The following PLA2G6 variants were observed in gnomAD, a reference collection of about 807,000 sequenced individuals.
PLA2G6 encodes 85/88 kDa calcium-independent phospholipase A2.
Under a neutral mutation model 83.8 loss-of-function variants are expected in PLA2G6, and 62 were observed. That is an observed-to-expected ratio of 0.74 (90% CI 0.60 to 0.91). PLA2G6 has a LOEUF of 0.91. Among genes scored for constraint, PLA2G6 ranks in the 40% least tolerant of loss-of-function variants. The pLI is 0.00. For synonymous variants in PLA2G6, 417 were observed against 449.8 expected, an observed-to-expected ratio of 0.93 and a Z score of 0.92; for missense variants, 944 against 1,102.0, an observed-to-expected ratio of 0.86 and a Z score of 2.03.
At chr22:38,116,327 C>A (rs771288458) in intron 12 of PLA2G6, 116 bp from the exon 13 acceptor site, 1 of 1,152,860 alleles carries the variant, frequency 8.7e-7, no homozygotes, top group African/African-American at 1.5e-5. Context: ...AACCTCTGTT[C>A]GGGATAGGTG....
At chr22:38,166,084 C>T (rs914832324) in intron 2 of PLA2G6, among the ~76,000 whole-genome samples, 3 of 152,102 alleles carry the variant, frequency 2.0e-5, no homozygotes, top group African/African-American at 4.8e-5. Context: ...AGCAGCAAGA[C>T]GGAGGGAGAA....
At chr22:38,179,804 C>A (rs1365420805) in intron 1 of PLA2G6, among the ~76,000 whole-genome samples, 1 of 151,836 alleles carries the variant, frequency 6.6e-6, no homozygotes, top group Non-Finnish European at 1.5e-5. Flanking sequence ...ATAAATACTT[C>A]AAGTTTGAAA....
At chr22:38,180,612 C>T (rs2090810077) in intron 1 of PLA2G6, among the ~76,000 whole-genome samples, 1 of 152,192 alleles carries the variant, frequency 6.6e-6, no homozygotes, top group East Asian at 1.9e-4. Context: ...CCTGCTCATC[C>T]TTCTCTCCTT....
rs1456710659 is a variant in PLA2G6, at chr22:38,174,099, AAAAC to A, written c.-45-4632_-45-4629del. ...GCAAATTAAAGTTGATGTCCACCAA[AAAAC>A]AAAAACAAACGGGCTGGGCGCAGTG... On this transcript the variant is annotated intron_variant, in intron 1 of 16. Coordinates refer to ENST00000332509, the MANE Select transcript of PLA2G6 (RefSeq NM_003560.4). 5.3e-5 allele frequency among the ~76,000 whole-genome samples: 8 copies of A among 152,012 alleles called. No homozygotes were observed. The East Asian group carries it at 1.4e-3, about 26-fold the overall frequency.
intron 7 of PLA2G6, chr22:38,131,270 C>T (rs1383228855): frequency 6.6e-6 from 1 of 152,174 alleles, no homozygotes; most frequent in Admixed American, 6.5e-5. Flanking sequence ...GGTGATCTGA[C>T]CATCTTGGCC....
Position 38,111,873 on chromosome 22 carries a change from T to G in PLA2G6, c.*288A>C. ...TACGGTTGTGCCCGGGTACCCTTAA[T>G]GTTTGAGCTGATGGGGGAGTCAGTT... On this transcript the variant is annotated 3_prime_UTR_variant, in exon 17 of 17. Transcript: ENST00000332509. 5 of 470,368 alleles carry G rather than the reference T, an allele frequency of 1.1e-5. No individual in the cohort carries two copies. Among genetic ancestry groups the G allele is most frequent in the African/African-American group, 4.0e-5 (2 of 50,598 alleles). 29.1% of individuals were successfully genotyped at this position (470,368 alleles called of 1,614,324 possible).
At chr22:38,114,112 G>C (rs1459130552) in intron 14 of PLA2G6, among the ~76,000 whole-genome samples, 1 of 152,114 alleles carries the variant, frequency 6.6e-6, no homozygotes, top group Non-Finnish European at 1.5e-5. Context: ...CTCAGGCCGG[G>C]AAGCAGCTGC....
chr22:38,120,217 T>A (rs2087443953), intron 12 of PLA2G6, among the ~76,000 whole-genome samples: 1 of 152,266 alleles, frequency 6.6e-6, no homozygotes, highest in Non-Finnish European at 1.5e-5. Context: ...TCTCCTTCAG[T>A]CTGACTTAAA....
intron 4 of PLA2G6, 192 bp downstream of exon 4, chr22:38,142,913 G>A (rs368977103): frequency 1.5e-5 from 11 of 710,942 alleles, no homozygotes; most frequent in African/African-American, 8.7e-5. Flanking sequence ...GACTGAGGAC[G>A]TGGCTCCTGG....
chr22:38,140,019 AGCCGTTGGG>A lies in PLA2G6; in HGVS notation c.751_759del (p.Pro251_Gly253del). The A allele has an allele frequency of 6.2e-7, 1 of 1,610,314 alleles. No individual in the cohort carries two copies. The highest frequency in any genetic ancestry group is 1.3e-5 in the African/African-American group (1 of 74,992). On this transcript the variant is annotated inframe_deletion, in exon 5 of 17. Coordinates refer to ENST00000332509, the MANE Select transcript of PLA2G6 (RefSeq NM_003560.4). ...AACTTCATGGCCGAGTGGATGGGGT[AGCCGTTGGG>A]GCCCATGATGTTGCACCGAGCATTG...
intron 2 of PLA2G6, among the ~76,000 whole-genome samples, chr22:38,151,927 A>G (rs188560694): frequency 1.6e-4 from 24 of 152,316 alleles, no homozygotes; most frequent in African/African-American, 5.8e-4. Context: ...AAAAGTAAGC[A>G]AACTTACCCT....
intron 5 of PLA2G6, 36 bp from the exon 6 acceptor site, chr22:38,135,120 C>T (rs1287629175): frequency 1.2e-5 from 17 of 1,452,512 alleles, no homozygotes; most frequent in African/African-American, 4.2e-5. Context: ...TGAGCAGAAG[C>T]TAGGGTCTGC....
rs1444248236 is a variant in PLA2G6, at chr22:38,123,245, G to C, written c.1441C>G (p.Leu481Val). The part of the protein sequence containing the change: ...RDEKRTHDHL[L>V]CLDGGGVKGL... ...TTCACTCCTCCTCCATCCAGGCACA[G>C]CAGGTGGTCGTGGCTGCAGTGGGAA... The change falls in exon 11 of 17, where the codon CTG (leucine) becomes GTG (valine). Residue 481 changes from leucine (L) to valine (V), a missense_variant. Coordinates refer to ENST00000332509, the MANE Select transcript of PLA2G6 (RefSeq NM_003560.4). This position sits in a 1 kb window ranked among gnomAD's most constrained non-coding sequence, Gnocchi z 4.1. 3 of 1,559,448 alleles carry C rather than the reference G, an allele frequency of 1.9e-6. No individual in the cohort carries two copies. The highest frequency in any genetic ancestry group is 1.7e-6 in the Non-Finnish European group (2 of 1,151,320).
At chr22:38,121,923 T>C (rs975227525) in intron 11 of PLA2G6, among the ~76,000 whole-genome samples, 2 of 152,094 alleles carry the variant, frequency 1.3e-5, no homozygotes, top group African/African-American at 2.4e-5. Flanking sequence ...CCCAATTCAC[T>C]GGCTGATCCT....
intron 8 of PLA2G6, 125 bp downstream of exon 8, chr22:38,129,329 G>A (rs903895855): frequency 5.0e-5 from 37 of 732,808 alleles, no homozygotes; most frequent in Middle Eastern, 3.6e-4. Context: ...GGTGCTCCTG[G>A]CAGCTCTGAG....
At chr22:38,115,905 G>C in intron 13 of PLA2G6, 170 bp downstream of exon 13, 3 of 1,463,012 alleles carry the variant, frequency 2.1e-6, no homozygotes, top group Non-Finnish European at 2.8e-6. Context: ...AACCTGCCAG[G>C]GGCCTGACAG....
At chr22:38,113,407 G>T in intron 15 of PLA2G6, 80 bp downstream of exon 15, 1 of 1,334,294 alleles carries the variant, frequency 7.5e-7, no homozygotes, top group Non-Finnish European at 1.1e-6. Flanking sequence ...AACACCAAAG[G>T]CCCCACAGGA....
chr22:38,120,017 G>A (rs2087433198), intron 12 of PLA2G6, among the ~76,000 whole-genome samples: 1 of 152,152 alleles, frequency 6.6e-6, no homozygotes, highest in Non-Finnish European at 1.5e-5. Context: ...TTGGACCCTA[G>A]GGAAGACCGC....
Position 38,115,763 on chromosome 22 carries a change from G to T in PLA2G6, c.1880-82C>A, listed in dbSNP as rs976385779. The T allele has an allele frequency of 7.9e-6, 12 of 1,515,670 alleles. No homozygotes were observed. The Admixed American group carries it at 1.4e-4, about 18-fold the overall frequency. The allele number at this position is 1,515,670 out of a possible 1,614,324, so 93.9% of individuals were successfully genotyped here. A position where few individuals can be genotyped will look rare whatever the true frequency, so the allele number is the denominator to read the frequency against. ...GCACTCCAGATCTCAGGGTGTGCGT[G>T]TTGGGGGCTGGGGGTGCGGGAAGAG... On this transcript the variant is annotated intron_variant, in intron 13 of 16. Transcript: ENST00000332509.
Sources: gnomAD v4.1 joint callset for allele counts (sites outside exome capture counted in the v4.1 genomes callset) on GRCh38, gnomAD v4.1.1 for gene constraint, Gnocchi (gnomAD v3.1) non-coding constraint, MANE v1.5 for transcripts, NCBI Gene and HGNC (gene_info 2026-07-23, HGNC 2026-07-21) for gene names.